The following PDE1C variants were observed in gnomAD, a reference collection of about 807,000 sequenced individuals.
PDE1C encodes the protein dual specificity calcium/calmodulin-dependent 3',5'-cyclic nucleotide phosphodiesterase 1C.
Under a neutral mutation model 93.1 loss-of-function variants are expected in PDE1C, and 62 were observed. The ratio of observed to expected loss-of-function variants is 0.67; its 90% CI spans 0.54 to 0.82. PDE1C has a LOEUF of 0.82. PDE1C is among the 40% of genes least tolerant of loss of function. The probability of loss-of-function intolerance (pLI) is 0.00; values close to 1 mark genes in which losing one functional copy is unlikely to be tolerated. For missense variants in PDE1C, 742 were observed against 884.6 expected (o/e 0.84, Z 2.04); for synonymous variants, 325 against 310.1 (o/e 1.05, Z -0.50).
chr7:32,114,985 G>A (rs1798904047), intron 3 of PDE1C, among the ~76,000 whole-genome samples: 1 of 152,136 alleles, frequency 6.6e-6, no homozygotes, highest in Non-Finnish European at 1.5e-5. Context: ...CGAGGCTATG[G>A]AGAAATAGGA....
chr7:32,109,387 C>G (rs141937624), intron 3 of PDE1C, among the ~76,000 whole-genome samples: 5 of 152,160 alleles, frequency 3.3e-5, no homozygotes, highest in Non-Finnish European at 5.9e-5. Flanking sequence ...ATTTTTGATT[C>G]CAACTTTGTT....
the PDE1C span, chr7:31,651,035 T>C: frequency 7.8e-7 from 1 of 1,281,760 alleles, no homozygotes; most frequent in Non-Finnish European, 1.1e-6. Flanking sequence ...CAGTAGGGCC[T>C]GTTTGCGAAA....
chr7:31,692,398 T>G, the PDE1C span: 1 of 1,463,954 alleles, frequency 6.8e-7, no homozygotes, highest in East Asian at 2.3e-5. Context: ...TTTTTTATAC[T>G]TCCTTAGTGC....
At chr7:32,246,801 G>A (rs900716622) in intron 1 of PDE1C, among the ~76,000 whole-genome samples, 2 of 152,184 alleles carry the variant, frequency 1.3e-5, no homozygotes, top group East Asian at 3.9e-4. Context: ...AGACTGTTAT[G>A]AGAACAAAAT....
intron 2 of PDE1C, among the ~76,000 whole-genome samples, chr7:32,018,881 C>T (rs1401641529): frequency 6.6e-6 from 1 of 151,924 alleles, no homozygotes; most frequent in African/African-American, 2.4e-5. Context: ...CAACTCTGAG[C>T]TTTATTTCCT....
chr7:31,641,836 G>C, the PDE1C span, among the ~76,000 whole-genome samples: 1 of 152,194 alleles, frequency 6.6e-6, no homozygotes, highest in African/African-American at 2.4e-5. Context: ...TATTTTATTA[G>C]TGTGGCATTT....
At chr7:31,708,426 GC>G in the PDE1C span, 1 of 152,214 alleles carries the variant, frequency 6.6e-6, no homozygotes, top group Non-Finnish European at 1.5e-5. Context: ...AGATACAAGA[GC>G]TTGCCGGAAA....
At position 32,064,808 on chromosome 7, in the gene PDE1C, T is replaced by C. The variant is rs60253749; in HGVS notation, c.101+5485A>G. ...AACTATGAGCATACATAATTTTGAG[T>C]AAAACAAAAAGTAAAATTTTTAAAT... is the stretch of plus-strand genomic sequence containing the variant. On this transcript the variant is annotated intron_variant, in intron 1 of 17. Coordinates refer to ENST00000396191, the MANE Select transcript of PDE1C (RefSeq NM_001191057.4). Among the ~76,000 whole-genome samples the C allele has an allele frequency of 9.2e-3, 1,399 of 152,048 alleles. 13 individuals are homozygous for C. Among genetic ancestry groups the C allele is most frequent in the African/African-American group, 0.029 (1,200 of 41,454 alleles).
At chr7:31,814,305 C>A (rs142135647) in intron 15 of PDE1C, among the ~76,000 whole-genome samples, 1 of 151,830 alleles carries the variant, frequency 6.6e-6, no homozygotes, top group Non-Finnish European at 1.5e-5. Context: ...TTATTAAATT[C>A]TTTATAACTT....
At chr7:31,617,623 C>T in the PDE1C span, among the ~76,000 whole-genome samples, 1 of 141,038 alleles carries the variant, frequency 7.1e-6, no homozygotes, top group African/African-American at 2.7e-5. Context: ...CTTTTACCTT[C>T]TAAATGATTT....
chr7:31,941,576 G>A (rs1184600112), intron 2 of PDE1C: 1 of 153,192 alleles, frequency 6.5e-6, no homozygotes, highest in African/African-American at 2.4e-5. Flanking sequence ...TCCAGGAAGG[G>A]GGTACAGAAT....
intron 1 of PDE1C, among the ~76,000 whole-genome samples, chr7:32,288,966 A>T (rs1269143548): frequency 6.6e-6 from 1 of 152,234 alleles, no homozygotes; most frequent in African/African-American, 2.4e-5. Context: ...AGAAAAGGGA[A>T]GGGGAAGGAG....
chr7:31,618,835 C>A, the PDE1C span, among the ~76,000 whole-genome samples: 5 of 152,160 alleles, frequency 3.3e-5, no homozygotes, highest in Admixed American at 6.5e-5. Flanking sequence ...TTATATGCCG[C>A]AAATATAAGT....
chr7:31,869,597 A>C (rs1200774902), intron 6 of PDE1C, among the ~76,000 whole-genome samples: 2 of 152,088 alleles, frequency 1.3e-5, no homozygotes, highest in Admixed American at 6.6e-5. Flanking sequence ...ACACACACCC[A>C]AAAGTGAAGC....
chr7:31,784,327 A>G (rs2128643910), intron 16 of PDE1C: 1 of 151,890 alleles, frequency 6.6e-6, no homozygotes, highest in South Asian at 2.1e-4. Flanking sequence ...AAGGGAGGAC[A>G]ATAACAACAT....
intron 17 of PDE1C, among the ~76,000 whole-genome samples, chr7:31,754,157 A>G (rs1794297656): frequency 6.6e-6 from 1 of 152,236 alleles, no homozygotes; most frequent in African/African-American, 2.4e-5. Context: ...ATGCTCAACA[A>G]TTAGAGAATT....
At chr7:31,988,730 C>T (rs563233586) in intron 2 of PDE1C, among the ~76,000 whole-genome samples, 1 of 152,250 alleles carries the variant, frequency 6.6e-6, no homozygotes, top group South Asian at 2.1e-4. Flanking sequence ...GGCACAGTGG[C>T]TTACGCCTGT....
intron 1 of PDE1C, among the ~76,000 whole-genome samples, chr7:32,357,434 C>T (rs187031317): frequency 4.6e-5 from 7 of 152,234 alleles, no homozygotes; most frequent in African/African-American, 1.7e-4. Context: ...TTTCAGCCAC[C>T]TTTTTAAAAT....
chr7:31,961,188 T>C (rs1386356617), intron 2 of PDE1C, among the ~76,000 whole-genome samples: 1 of 151,876 alleles, frequency 6.6e-6, no homozygotes, highest in Admixed American at 6.6e-5. Flanking sequence ...AATCTTCCAG[T>C]AGAAAACAAA....
Sources: gnomAD v4.1 joint callset for allele counts (sites outside exome capture counted in the v4.1 genomes callset) on GRCh38, gnomAD v4.1.1 for gene constraint, MANE v1.5 for transcripts, NCBI Gene and HGNC (gene_info 2026-07-23, HGNC 2026-07-21) for gene names.